PKHD1L1: variants seen among roughly 807,000 people sequenced by gnomAD.
The protein encoded by PKHD1L1 is PKHD1 like 1, also known as fibrocystin-L.
In PKHD1L1, 434 loss-of-function variants were observed where a neutral mutation model predicts 462.9. The observed-to-expected ratio is 0.94, with a 90% CI of 0.87 to 1.02. The LOEUF is 1.02. PKHD1L1 is among the 50% of genes least tolerant of loss of function. The pLI is 0.00. For synonymous variants in PKHD1L1, 1,781 were observed against 1,750.0 expected (o/e 1.02, Z -0.44); for missense variants, 5,202 against 5,096.1 (o/e 1.02, Z -0.63).
At chr8:109,489,107 A>T (rs897047653) in intron 59 of PKHD1L1, among the ~76,000 whole-genome samples, 5 of 151,922 alleles carry the variant, frequency 3.3e-5, no homozygotes, top group Admixed American at 6.6e-5. Flanking sequence ...TCAATTATTC[A>T]TATCTTCTCA....
chr8:109,461,159 C>G (rs1817100583), intron 47 of PKHD1L1, among the ~76,000 whole-genome samples: 1 of 152,122 alleles, frequency 6.6e-6, no homozygotes, highest in Non-Finnish European at 1.5e-5. Context: ...TGTAATCATT[C>G]ATATCATTAC....
In PKHD1L1 at chr8:109,497,171, T is replaced by G; in HGVS notation, c.10498T>G (p.Tyr3500Asp). 1 of 1,613,830 alleles carries G rather than the reference T, an allele frequency of 6.2e-7. No individual in the cohort carries two copies. Residue 3500 changes from tyrosine (Y) to aspartate (D), a missense_variant, in exon 65 of 78, where the codon TAT becomes GAT. This residue lies in a region of PKHD1L1 where 4,497 missense variants were observed against 4,336.8 expected (regional missense o/e 1.04). Transcript: ENST00000378402. ...YFQTTESVHI[Y>D]NVTLVDNGMA... ...GCAGACCACAGAGAGTGTGCACATT[T>G]ATAATGTGACCCTGGTTGACAATGG...
chr8:109,517,196 T>C (rs1194883813), intron 72 of PKHD1L1, among the ~76,000 whole-genome samples: 1 of 152,116 alleles, frequency 6.6e-6, no homozygotes, highest in Non-Finnish European at 1.5e-5. Flanking sequence ...GTGGTAGTGG[T>C]GTTTTTCTGA....
chr8:109,441,144 C>A, intron 33 of PKHD1L1, 131 bp from the exon 34 acceptor site: 2 of 676,984 alleles, frequency 3.0e-6, no homozygotes, highest in Non-Finnish European at 4.8e-6. Context: ...TTCTGAAGAT[C>A]CTGCTATATA....
chr8:109,526,526 A>T (rs955210213), intron 76 of PKHD1L1, among the ~76,000 whole-genome samples: 4 of 152,202 alleles, frequency 2.6e-5, no homozygotes, highest in African/African-American at 9.6e-5. Flanking sequence ...AGGGGCTCTA[A>T]GAAGCAGGTA....
In PKHD1L1 at chr8:109,533,152, T is replaced by C. The variant is rs532861613; in HGVS notation, c.*3062T>C. 1.3e-5 allele frequency among the ~76,000 whole-genome samples: 2 copies of C among 152,364 alleles called. No homozygotes were observed. The highest frequency in any genetic ancestry group is 4.8e-5 in the African/African-American group (2 of 41,582). ...TCCTCAAGCATGGGCAAGTGCTTCA[T>C]TGGGAAGAGTTTTTAATCCAAATTC... On this transcript the variant is annotated 3_prime_UTR_variant, in exon 78 of 78. Coordinates refer to ENST00000378402, the MANE Select transcript of PKHD1L1 (RefSeq NM_177531.6).
chr8:109,392,189 A>AT (rs146140556), intron 9 of PKHD1L1, among the ~76,000 whole-genome samples: 5,226 of 152,216 alleles, frequency 0.034, 128 homozygotes, highest in Middle Eastern at 0.078. Context: ...ACTACATATG[A>AT]TTTTTTTAAA....
intron 30 of PKHD1L1, 102 bp from the exon 31 acceptor site, chr8:109,438,222 A>G (rs1184974441): frequency 2.2e-6 from 2 of 909,208 alleles, no homozygotes; most frequent in African/African-American, 3.5e-5. Context: ...TTTGAAGTAA[A>G]ACATCTTCAG....
intron 2 of PKHD1L1, among the ~76,000 whole-genome samples, chr8:109,379,879 C>T (rs1812023265): frequency 6.6e-6 from 1 of 152,154 alleles, no homozygotes; most frequent in Admixed American, 6.5e-5. Context: ...GTTGCTTTAA[C>T]TTAATGTAGT....
rs373444015 is a variant in PKHD1L1, at chr8:109,384,122, C to A, written c.470C>A (p.Thr157Asn). 120 of 1,608,564 alleles carry A rather than the reference C, an allele frequency of 7.5e-5. No individual in the cohort carries two copies. The African/African-American group carries it at 1.4e-3, about 19-fold the overall frequency. ...AGAAGCATCACACCTTTATCTGGAACTCCAGGTCTGTTATATGACATCTGA... is the reference window on the plus strand; with the variant it reads ...AGAAGCATCACACCTTTATCTGGAAATCCAGGTCTGTTATATGACATCTGA... ...TIRSITPLSG[T>N]PGTLITIQGR... Residue 157 changes from threonine (T) to asparagine (N), a missense_variant, in exon 5 of 78, where the codon ACT becomes AAT. Physicochemically the swap from Thr to Asn is moderately conservative, Grantham distance 65 (BLOSUM62 0). Transcript: ENST00000378402.
At chr8:109,400,457 T>G in intron 13 of PKHD1L1, 113 bp downstream of exon 13, 1 of 1,250,950 alleles carries the variant, frequency 8.0e-7, no homozygotes, top group Non-Finnish European at 1.1e-6. Context: ...TGAGAAATGA[T>G]GTCATGTGGT....
chr8:109,479,305 A>G (rs1409881572), intron 53 of PKHD1L1, among the ~76,000 whole-genome samples: 1 of 152,064 alleles, frequency 6.6e-6, no homozygotes, highest in Admixed American at 6.6e-5. Flanking sequence ...GCATTGGTGC[A>G]TCCTCGTCAA....
intron 50 of PKHD1L1, among the ~76,000 whole-genome samples, chr8:109,471,383 A>G (rs1169867598): frequency 1.3e-5 from 2 of 152,222 alleles, no homozygotes; most frequent in Non-Finnish European, 2.9e-5. Flanking sequence ...AAAGACAAGT[A>G]AAGAACATTC....
In PKHD1L1 at chr8:109,535,933, G is replaced by A. The variant is rs1192463260; in HGVS notation, c.*5843G>A. ...GAGGGGAAGGATTGTAAGTGTCATAGTTCTGACAGCTGCTCTTTCATCCTA... is the reference window on the plus strand; with the variant it reads ...GAGGGGAAGGATTGTAAGTGTCATAATTCTGACAGCTGCTCTTTCATCCTA... On this transcript the variant is annotated 3_prime_UTR_variant, in exon 78 of 78. Coordinates refer to ENST00000378402, the MANE Select transcript of PKHD1L1 (RefSeq NM_177531.6). Among the ~76,000 whole-genome samples, 1 of 151,916 alleles carries A rather than the reference G, an allele frequency of 6.6e-6. No individual in the cohort carries two copies. Among genetic ancestry groups the A allele is most frequent in the African/African-American group, 2.4e-5 (1 of 41,364 alleles).
At chr8:109,390,182 A>T (rs12386857) in intron 8 of PKHD1L1, among the ~76,000 whole-genome samples, 18,485 of 152,112 alleles carry the variant, frequency 0.12, 1,440 homozygotes, top group Non-Finnish European at 0.17. Context: ...ATATGGTTAC[A>T]TATCTGTTCT....
intron 9 of PKHD1L1, 43 bp from the exon 10 acceptor site, chr8:109,394,367 CTAAAT>C (rs1812862293): frequency 1.6e-6 from 2 of 1,241,260 alleles, no homozygotes; most frequent in Non-Finnish European, 2.2e-6. Flanking sequence ...AAAAATGTTC[CTAAAT>C]TAAAGATCAT....
intron 2 of PKHD1L1, among the ~76,000 whole-genome samples, 176 bp from the exon 3 acceptor site, chr8:109,381,194 G>T (rs1294433749): frequency 6.6e-6 from 1 of 152,056 alleles, no homozygotes; most frequent in Non-Finnish European, 1.5e-5. Context: ...TGAATTAAAG[G>T]CTAAATTTTG....
At chr8:109,445,918 T>G (rs1816112827) in intron 38 of PKHD1L1, among the ~76,000 whole-genome samples, 1 of 152,174 alleles carries the variant, frequency 6.6e-6, no homozygotes, top group Non-Finnish European at 1.5e-5. Context: ...AAAAAATAAG[T>G]GAAGATAGAC....
intron 2 of PKHD1L1, among the ~76,000 whole-genome samples, chr8:109,374,899 G>T (rs1438083653): frequency 6.6e-6 from 1 of 152,108 alleles, no homozygotes; most frequent in African/African-American, 2.4e-5. Flanking sequence ...TCCCTTTGTG[G>T]GTAACCCGAT....
Sources: gnomAD v4.1 joint callset for allele counts (sites outside exome capture counted in the v4.1 genomes callset) on GRCh38, gnomAD v4.1.1 for gene constraint, gnomAD v4.1.1 regional missense constraint, MANE v1.5 for transcripts, NCBI Gene and HGNC (gene_info 2026-07-23, HGNC 2026-07-21) for gene names.